Variants in TMEM132C observed in about 807,000 individuals in gnomAD.
The protein encoded by TMEM132C is protein phosphatase 1, regulatory subunit 152.
Under a neutral mutation model 61.4 loss-of-function variants are expected in TMEM132C, and 29 were observed. The observed-to-expected ratio is 0.47, with a 90% CI of 0.35 to 0.64. TMEM132C has a LOEUF of 0.64. Ranked by LOEUF, TMEM132C falls within the 30% of genes least tolerant of loss-of-function variation. The probability of loss-of-function intolerance (pLI) is 0.00; values close to 1 mark genes in which losing one functional copy is unlikely to be tolerated. For missense variants in TMEM132C, 1,408 were observed against 1,476.9 expected (o/e 0.95, Z 0.76); for synonymous variants, 656 against 633.1 (o/e 1.04, Z -0.54).
intron 2 of TMEM132C, among the ~76,000 whole-genome samples, chr12:128,500,128 G>A (rs965648543): frequency 1.3e-5 from 2 of 152,134 alleles, no homozygotes; most frequent in Non-Finnish European, 2.9e-5. Flanking sequence ...TTTTCAACAG[G>A]TGGTCCTGAG....
chr12:128,494,822 G>C (rs1871883124), intron 2 of TMEM132C, among the ~76,000 whole-genome samples: 1 of 151,762 alleles, frequency 6.6e-6, no homozygotes, highest in Admixed American at 6.6e-5. Flanking sequence ...TTTTTTGAAG[G>C]GTTTTTTGTG....
chr12:128,301,135 G>A (rs1413144078), intron 1 of TMEM132C, among the ~76,000 whole-genome samples: 2 of 152,182 alleles, frequency 1.3e-5, no homozygotes, highest in African/African-American at 2.4e-5. Flanking sequence ...GAATGGAGGA[G>A]AGGTGTGCTG....
chr12:128,681,473 C>G (rs11059825), intron 5 of TMEM132C, among the ~76,000 whole-genome samples: 1 of 152,076 alleles, frequency 6.6e-6, no homozygotes. Flanking sequence ...GTTCCTATAT[C>G]TGAACTGTAA....
At chr12:128,410,594 C>T (rs1389049901) in intron 1 of TMEM132C, among the ~76,000 whole-genome samples, 3 of 151,960 alleles carry the variant, frequency 2.0e-5, no homozygotes, top group Non-Finnish European at 2.9e-5. Flanking sequence ...TTAGTAGAGA[C>T]GGGGTTTCAC....
Position 128,677,330 on chromosome 12 carries a change from G to A in TMEM132C, c.1449+7770G>A, listed in dbSNP as rs1775031198. On this transcript the variant is annotated intron_variant, in intron 5 of 8. Coordinates refer to ENST00000435159, the MANE Select transcript of TMEM132C (RefSeq NM_001136103.3). ...GTACCATTCTGGTATGGGGGACACA[G>A]CAATTAAATAGAACAGAAGCGGTCC... Among the ~76,000 whole-genome samples the A allele has an allele frequency of 3.3e-5, 5 of 152,180 alleles. No individual in the cohort carries two copies. In the South Asian group the frequency reaches 1.0e-3, roughly 32 times the overall value.
At chr12:128,624,297 G>A (rs2135589643) in intron 4 of TMEM132C, among the ~76,000 whole-genome samples, 1 of 152,178 alleles carries the variant, frequency 6.6e-6, no homozygotes, top group African/African-American at 2.4e-5. Flanking sequence ...TGTAATCCCA[G>A]CACTTTGGGA....
intron 5 of TMEM132C, among the ~76,000 whole-genome samples, chr12:128,676,964 T>C (rs1593144999): frequency 6.6e-6 from 1 of 152,196 alleles, no homozygotes; most frequent in East Asian, 1.9e-4. Flanking sequence ...GCCTCTTTGT[T>C]GATTCACATT....
At chr12:128,540,624 C>G (rs1210576767) in intron 2 of TMEM132C, among the ~76,000 whole-genome samples, 1 of 152,208 alleles carries the variant, frequency 6.6e-6, no homozygotes, top group African/African-American at 2.4e-5. Flanking sequence ...CTGCCCTCCC[C>G]TCCCTGCGTT....
chr12:128,403,804 T>G (rs961691331), intron 1 of TMEM132C, among the ~76,000 whole-genome samples: 1 of 152,242 alleles, frequency 6.6e-6, no homozygotes, highest in African/African-American at 2.4e-5. Flanking sequence ...ACCACTGTGA[T>G]ACATTTCTTC....
intron 1 of TMEM132C, among the ~76,000 whole-genome samples, chr12:128,371,580 T>C (rs775781858): frequency 4.6e-5 from 7 of 152,200 alleles, no homozygotes; most frequent in Non-Finnish European, 7.3e-5. Context: ...TATGTATGTA[T>C]TTATTCATTT....
At chr12:128,615,209 G>A (rs1488222266) in intron 3 of TMEM132C, among the ~76,000 whole-genome samples, 1 of 152,184 alleles carries the variant, frequency 6.6e-6, no homozygotes, top group Non-Finnish European at 1.5e-5. Flanking sequence ...GTGCTATTGA[G>A]TGAGTGGCCT....
intron 1 of TMEM132C, among the ~76,000 whole-genome samples, chr12:128,411,022 C>T (rs1389771128): frequency 6.6e-6 from 1 of 152,134 alleles, no homozygotes; most frequent in Non-Finnish European, 1.5e-5. Context: ...GACATTTCCT[C>T]ATGATTAGAT....
intron 2 of TMEM132C, among the ~76,000 whole-genome samples, chr12:128,516,688 G>T (rs1276840167): frequency 1.3e-5 from 2 of 152,046 alleles, no homozygotes; most frequent in African/African-American, 2.4e-5. Flanking sequence ...AAGGTGGGAG[G>T]ATCGCTTGAG....
intron 3 of TMEM132C, among the ~76,000 whole-genome samples, chr12:128,605,457 G>A (rs1478371060): frequency 1.3e-5 from 2 of 152,172 alleles, no homozygotes; most frequent in East Asian, 3.9e-4. Flanking sequence ...ACTCAGCTGA[G>A]GTGTTAATTT....
chr12:128,334,721 G>A (rs540551393), intron 1 of TMEM132C, among the ~76,000 whole-genome samples: 102 of 151,246 alleles, frequency 6.7e-4, no homozygotes, highest in African/African-American at 2.2e-3. Flanking sequence ...TCAGCCTCCC[G>A]AGTAGCTGGG....
chr12:128,325,434 A>G (rs1042739398), intron 1 of TMEM132C, among the ~76,000 whole-genome samples: 1 of 152,188 alleles, frequency 6.6e-6, no homozygotes, highest in Non-Finnish European at 1.5e-5. Flanking sequence ...CCAGAAAACA[A>G]AAATACATGG....
rs190183406 is a variant in TMEM132C at position 128,497,494 on chromosome 12, C to T, written c.975-46463C>T. Among the ~76,000 whole-genome samples the T allele has an allele frequency of 3.2e-4, 49 of 152,302 alleles. No individual in the cohort carries two copies. In the East Asian group the frequency reaches 7.7e-3, roughly 24 times the overall value. The stretch of plus-strand genomic sequence containing the variant: ...TGGGCTCCACCAAGTTCGAGCTTCC[C>T]GTCAGCTTTGTTTACCTAGTTAAGC... On this transcript the variant is annotated intron_variant, in intron 2 of 8. Transcript: ENST00000435159.
chr12:128,527,763 T>G (rs1419711198), intron 2 of TMEM132C, among the ~76,000 whole-genome samples: 2 of 151,200 alleles, frequency 1.3e-5, no homozygotes, highest in Non-Finnish European at 2.9e-5. Context: ...CCTACCATAG[T>G]GGAAAAAAGC....
At chr12:128,657,219 G>A (rs544382559) in intron 4 of TMEM132C, among the ~76,000 whole-genome samples, 2 of 152,108 alleles carry the variant, frequency 1.3e-5, no homozygotes, top group South Asian at 4.1e-4. Context: ...GAGGCATTTT[G>A]TTTTCTGTCC....
Sources: gnomAD v4.1 joint callset for allele counts (sites outside exome capture counted in the v4.1 genomes callset) on GRCh38, gnomAD v4.1.1 for gene constraint, MANE v1.5 for transcripts, NCBI Gene and HGNC (gene_info 2026-07-23, HGNC 2026-07-21) for gene names.